The following EPHB2 variants were observed in gnomAD, a reference collection of about 807,000 sequenced individuals.
The protein encoded by EPHB2 is EPH receptor B2.
Under a neutral mutation model 96.4 loss-of-function variants are expected in EPHB2, and 18 were observed. That is an observed-to-expected ratio of 0.19 (90% CI 0.13 to 0.28). EPHB2 has a LOEUF of 0.28. Among genes scored for constraint, EPHB2 ranks in the 10% least tolerant of loss-of-function variants. The pLI is 1.00. For missense variants in EPHB2, 989 were observed against 1,355.4 expected (o/e 0.73, Z 4.25); for synonymous variants, 506 against 534.1 (o/e 0.95, Z 0.72).
Position 22,846,421 on chromosome 1 carries a change from CAAAA to C in EPHB2, c.812-16604_812-16601del, listed in dbSNP as rs548171634. 9.2e-6 allele frequency among the ~76,000 whole-genome samples: 1 copy of C among 108,736 alleles called. No homozygotes were observed. 71.3% of individuals were successfully genotyped at this position (108,736 alleles called of 152,430 possible). A position where few individuals can be genotyped will look rare whatever the true frequency, so the allele number is the denominator to read the frequency against. On this transcript the variant is annotated intron_variant, in intron 3 of 15. Transcript: ENST00000374630. The surrounding 1 kb of genome is among the most constrained non-coding windows in gnomAD (Gnocchi z 4.3). Reference sequence around the variant, plus strand: ...ACAGAGTGAGAGTGAGACTCTGTCTCAAAAAAAAAAAAAAAGAAAAGAAAGTCCT... The same window carrying C: ...ACAGAGTGAGAGTGAGACTCTGTCTCAAAAAAAAAAAGAAAAGAAAGTCCT...
At chr1:22,800,016 C>A (rs1557681434) in intron 3 of EPHB2, among the ~76,000 whole-genome samples, 1 of 152,200 alleles carries the variant, frequency 6.6e-6, no homozygotes, top group Non-Finnish European at 1.5e-5. Context: ...CCTGGGCAGG[C>A]CATGCAGCTT....
Position 22,882,405 on chromosome 1 carries a change from C to G in EPHB2, c.1350C>G (p.Asp450Glu), listed in dbSNP as rs1639078568. ...SIMHQVSRTV[D>E]SITLSWSQPD... ...TGCATCAGGTGAGCCGCACCGTGGA[C>G]AGCATTACCCTGTCGTGGTCCCAGC... is the stretch of plus-strand genomic sequence containing the variant. The change falls in exon 6 of 16, where the codon GAC (aspartate) becomes GAG (glutamate). Residue 450 changes from aspartate (D) to glutamate (E), a missense_variant. Asp to Glu is a conservative substitution (Grantham distance 45). Coordinates refer to ENST00000374630, the MANE Select transcript of EPHB2 (RefSeq NM_017449.5). 2 of 1,614,212 alleles carry G rather than the reference C, an allele frequency of 1.2e-6. No homozygotes were observed. Among genetic ancestry groups the G allele is most frequent in the South Asian group, 2.2e-5 (2 of 91,084 alleles).
chr1:22,814,489 G>A (rs60120500), intron 3 of EPHB2, among the ~76,000 whole-genome samples: 17,302 of 152,086 alleles, frequency 0.11, 1,641 homozygotes, highest in East Asian at 0.56. Flanking sequence ...CAAATGGAGG[G>A]AAACAGACAC....
intron 3 of EPHB2, among the ~76,000 whole-genome samples, chr1:22,839,140 C>T (rs1037865431): frequency 1.4e-4 from 21 of 152,094 alleles, no homozygotes; most frequent in African/African-American, 4.1e-4. Context: ...CTGCTGAATC[C>T]GAGGCAGACA....
intron 3 of EPHB2, among the ~76,000 whole-genome samples, chr1:22,854,743 T>C (rs774470546): frequency 1.6e-4 from 24 of 151,918 alleles, no homozygotes; most frequent in Non-Finnish European, 2.5e-4. Flanking sequence ...AAGCACCTCC[T>C]CTCCATCTCA....
chr1:22,712,392 T>G (rs1454410575), intron 1 of EPHB2, among the ~76,000 whole-genome samples: 2 of 152,198 alleles, frequency 1.3e-5, no homozygotes, highest in Non-Finnish European at 2.9e-5. Flanking sequence ...TTAGGGATGA[T>G]GTCTGTGTGC....
At chr1:22,776,265 T>G (rs1644451179) in intron 1 of EPHB2, among the ~76,000 whole-genome samples, 1 of 152,110 alleles carries the variant, frequency 6.6e-6, no homozygotes, top group Non-Finnish European at 1.5e-5. Context: ...CCACTCCACA[T>G]CAGTCACTCC....
intron 3 of EPHB2, among the ~76,000 whole-genome samples, chr1:22,788,541 C>A (rs1644644132): frequency 6.6e-6 from 1 of 152,200 alleles, no homozygotes; most frequent in Admixed American, 6.5e-5. Context: ...GATTCCAGCT[C>A]ACATCCAAGT....
intron 1 of EPHB2, among the ~76,000 whole-genome samples, chr1:22,722,261 T>C (rs557922162): frequency 6.6e-6 from 1 of 152,274 alleles, no homozygotes; most frequent in East Asian, 1.9e-4. Flanking sequence ...CTTCCCAAAT[T>C]GTTGGGATTA....
chr1:22,891,322 ATG>A, intron 6 of EPHB2: 1 of 396,494 alleles, frequency 2.5e-6, no homozygotes, highest in Non-Finnish European at 5.0e-6. Context: ...GCACTCTGTG[ATG>A]TGTGTGTGAC....
At chr1:22,722,823 T>C (rs1643496095) in intron 1 of EPHB2, among the ~76,000 whole-genome samples, 1 of 152,182 alleles carries the variant, frequency 6.6e-6, no homozygotes, top group South Asian at 2.1e-4. Context: ...CTTCTTGAAC[T>C]ATACAATGAG....
chr1:22,744,355 T>A (rs1465842568), intron 1 of EPHB2, among the ~76,000 whole-genome samples: 2 of 151,856 alleles, frequency 1.3e-5, no homozygotes, highest in Non-Finnish European at 2.9e-5. Flanking sequence ...CCCCAAAAAC[T>A]TAACTAGTAA....
chr1:22,849,403 C>G (rs1294166992), intron 3 of EPHB2, among the ~76,000 whole-genome samples: 4 of 152,212 alleles, frequency 2.6e-5, no homozygotes, highest in African/African-American at 9.6e-5. Context: ...ACCCACTAGA[C>G]TATCAGCTCC....
Position 22,784,521 on chromosome 1 carries a change from A to G in EPHB2, c.256A>G (p.Ile86Val), listed in dbSNP as rs763014732. The change falls in exon 3 of 16, where the codon ATC (isoleucine) becomes GTC (valine). Residue 86 changes from isoleucine to valine, a missense_variant. By Grantham distance (29) the Ile-to-Val change is conservative. Transcript: ENST00000374630. This position sits in a 1 kb window ranked among gnomAD's most constrained non-coding sequence, Gnocchi z 5.1. ...TATCCGGCGCCGTGGCGCCCACCGC[A>G]TCCACGTGGAGATGAAGTTTTCGGT... ...KFIRRRGAHR[I>V]HVEMKFSVRD... 10 of 1,613,782 alleles carry G rather than the reference A, an allele frequency of 6.2e-6. No homozygotes were observed. The highest frequency in any genetic ancestry group is 8.5e-6 in the Non-Finnish European group (10 of 1,179,662).
chr1:22,730,128 C>T (rs1643674523), intron 1 of EPHB2, among the ~76,000 whole-genome samples: 1 of 152,224 alleles, frequency 6.6e-6, no homozygotes. Context: ...CCTTGGGGAG[C>T]TCACACACTG....
At chr1:22,884,607 G>A (rs368226978) in intron 6 of EPHB2, among the ~76,000 whole-genome samples, 15 of 136,488 alleles carry the variant, frequency 1.1e-4, no homozygotes, top group African/African-American at 4.3e-4. Context: ...GTGACAGAGT[G>A]AGATGCTGTC....
At chr1:22,737,317 C>T (rs1643853100) in intron 1 of EPHB2, among the ~76,000 whole-genome samples, 1 of 152,156 alleles carries the variant, frequency 6.6e-6, no homozygotes, top group Non-Finnish European at 1.5e-5. Flanking sequence ...CCTGCTCAGA[C>T]CTTGGGCTCC....
At chr1:22,882,857 CCT>C (rs1293123448) in intron 6 of EPHB2, 9 of 324,490 alleles carry the variant, frequency 2.8e-5, no homozygotes, top group Non-Finnish European at 5.4e-5. Flanking sequence ...TAGTCACTCA[CCT>C]CTTCTTCGAC....
At chr1:22,714,194 G>A (rs555847182) in intron 1 of EPHB2, among the ~76,000 whole-genome samples, 88 of 152,312 alleles carry the variant, frequency 5.8e-4, no homozygotes, top group African/African-American at 1.9e-3. Context: ...ATGATACGGG[G>A]TCCAACGTAC....
Sources: gnomAD v4.1 joint callset for allele counts (sites outside exome capture counted in the v4.1 genomes callset) on GRCh38, gnomAD v4.1.1 for gene constraint, Gnocchi (gnomAD v3.1) non-coding constraint, MANE v1.5 for transcripts, NCBI Gene and HGNC (gene_info 2026-07-23, HGNC 2026-07-21) for gene names.